The following CELSR3 variants were observed in gnomAD, a reference collection of about 807,000 sequenced individuals.
The protein encoded by CELSR3 is EGF-like protein 1.
In CELSR3, 73 loss-of-function variants were observed where a neutral mutation model predicts 270.0. That is an observed-to-expected ratio of 0.27 (90% confidence interval 0.22 to 0.33). The LOEUF (loss-of-function observed/expected upper bound fraction) is 0.33. Ranked by LOEUF, CELSR3 falls within the 10% of genes least tolerant of loss-of-function variation. CELSR3 has a pLI of 1.00. For missense variants in CELSR3, 3,614 were observed against 4,533.8 expected, an observed-to-expected ratio of 0.80 and a Z score of 5.83; for synonymous variants, 1,780 against 1,905.4, an observed-to-expected ratio of 0.93 and a Z score of 1.71.
chr3:48,656,869 A>G lies in CELSR3; in HGVS notation c.4228T>C (p.Phe1410Leu). 6.2e-7 allele frequency: 1 copy of G among 1,609,820 alleles called. No homozygotes were observed. The highest frequency in any genetic ancestry group is 8.5e-7 in the Non-Finnish European group (1 of 1,178,080). Reference protein sequence around the residue: ...APFLASASTLFRPIQPIAGLR... With the variant: ...APFLASASTLLRPIQPIAGLR... The stretch of plus-strand genomic sequence containing the variant: ...CCAGCGATGGGCTGGATGGGTCGGA[A>G]CAGCGTGGAGGCCGAGGCCAGGAAG... The change falls in exon 2 of 35, where the codon TTC becomes CTC. Residue 1410 changes from phenylalanine (F) to leucine (L), a missense_variant. Around this residue, in one of 7 missense-constraint regions of CELSR3, gnomAD observed 1,331 missense variants for 1,933.7 expected, o/e 0.69. Transcript: ENST00000164024.
At position 48,641,863 on chromosome 3, in the gene CELSR3, T is replaced by C; in HGVS notation, c.8812A>G (p.Thr2938Ala). ...GGGCGCCTGGCACCTTTGGGGTGGG[T>C]GAGGAGCCTCTCACTCTGGGCTGCT... ...CRAAQSERLLTHPKDVDGNDL... is the reference protein window; with the variant it reads ...CRAAQSERLLAHPKDVDGNDL... The change falls in exon 32 of 35, where the codon ACC becomes GCC. Residue 2938 changes from threonine (T) to alanine (A), a missense_variant. Physicochemically the swap from Thr to Ala is moderately conservative, Grantham distance 58. Around this residue, in one of 7 missense-constraint regions of CELSR3, gnomAD observed 1,240 missense variants for 1,351.7 expected, o/e 0.92. Transcript: ENST00000164024. This position sits in a 1 kb window ranked among gnomAD's most constrained non-coding sequence, Gnocchi z 4.8. 2 of 1,479,844 alleles carry C rather than the reference T, an allele frequency of 1.4e-6. No homozygotes were observed. The highest frequency in any genetic ancestry group is 1.8e-6 in the Non-Finnish European group (2 of 1,115,528). The allele number at this position is 1,479,844 out of a possible 1,614,324, so 91.7% of individuals were successfully genotyped here.
At chr3:48,656,498 T>C in intron 2 of CELSR3, 133 bp from the exon 3 acceptor site, 1 of 1,125,244 alleles carries the variant, frequency 8.9e-7, no homozygotes. Flanking sequence ...ACACGCCCCT[T>C]CCGTCTGGCC....
chr3:48,648,621 C>T, intron 18 of CELSR3, 98 bp downstream of exon 18: 7 of 1,457,048 alleles, frequency 4.8e-6, no homozygotes, highest in Non-Finnish European at 6.5e-6. Flanking sequence ...AGGACCTTCA[C>T]TTCCCAAGAG....
At chr3:48,648,059 T>C in intron 19 of CELSR3, 63 bp from the exon 20 acceptor site, 1 of 1,576,100 alleles carries the variant, frequency 6.3e-7, no homozygotes, top group Non-Finnish European at 8.7e-7. Context: ...AGGGTTCTAC[T>C]CCCTCTTACT....
rs1351857362 is a variant in CELSR3, at chr3:48,641,001, C to T, written c.9025+323G>A. On this transcript the variant is annotated intron_variant, in intron 33 of 34. Transcript: ENST00000164024. The surrounding 1 kb of genome is among the most constrained non-coding windows in gnomAD (Gnocchi z 4.8). Reference sequence around the variant, plus strand: ...AGCAGAGTAGGGGGCAGAAATCTTCCAGATCAGAGCACGGGCTCTGGGATC... The same window carrying T: ...AGCAGAGTAGGGGGCAGAAATCTTCTAGATCAGAGCACGGGCTCTGGGATC... 19 of 376,136 alleles carry T rather than the reference C, an allele frequency of 5.1e-5. No homozygotes were observed. Among genetic ancestry groups the T allele is most frequent in the Non-Finnish European group, 8.6e-5 (18 of 209,460 alleles). 23.3% of individuals were successfully genotyped at this position (376,136 alleles called of 1,614,324 possible).
In CELSR3 at chr3:48,638,111, G is replaced by A; in HGVS notation, c.*94C>T. 1 of 1,116,874 alleles carries A rather than the reference G, an allele frequency of 9.0e-7. No homozygotes were observed. The highest frequency in any genetic ancestry group is 1.4e-6 in the Non-Finnish European group (1 of 732,636). The allele number at this position is 1,116,874 out of a possible 1,614,324, so 69.2% of individuals were successfully genotyped here. ...GGCACCCACCACTGGGGAGCAGGAG[G>A]CTGCCTTGGGATCTGCCCCCACTCC... On this transcript the variant is annotated 3_prime_UTR_variant, in exon 35 of 35. Transcript: ENST00000164024.
At chr3:48,656,049 G>C in intron 3 of CELSR3, 91 bp downstream of exon 3, 1 of 1,363,958 alleles carries the variant, frequency 7.3e-7, no homozygotes, top group Non-Finnish European at 1.0e-6. Context: ...GGTGTCTCAT[G>C]GGGATGCCAG....
chr3:48,659,180 C>T lies in CELSR3; in HGVS notation c.3455G>A (p.Arg1152Gln). ...AACCAGGCGGACGTGCACAGTGGCC[C>T]GGCTGACCAAAGGAGCAGATGTGGC... ...VQATSAPLVS[R>Q]ATVHVRLVDQ... The change falls in exon 1 of 35, where the codon CGG becomes CAG. Residue 1152 changes from arginine (R) to glutamine (Q), a missense_variant. Arg to Gln is a conservative substitution (Grantham distance 43, BLOSUM62 1). This residue lies in a region of CELSR3 where 1,331 missense variants were observed against 1,933.7 expected (regional missense o/e 0.69). Coordinates refer to ENST00000164024, the MANE Select transcript of CELSR3 (RefSeq NM_001407.3). This position sits in a 1 kb window ranked among gnomAD's most constrained non-coding sequence, Gnocchi z 8.1. 1.2e-6 allele frequency: 2 copies of T among 1,614,162 alleles called. No homozygotes were observed. The highest frequency in any genetic ancestry group is 2.2e-5 in the East Asian group (1 of 44,892).
In CELSR3 at chr3:48,658,801, C is replaced by T; in HGVS notation, c.3748+86G>A. 3 of 1,509,274 alleles carry T rather than the reference C, an allele frequency of 2.0e-6. No homozygotes were observed. Among genetic ancestry groups the T allele is most frequent in the East Asian group, 2.3e-5 (1 of 44,158 alleles). 93.5% of individuals were successfully genotyped at this position (1,509,274 alleles called of 1,614,324 possible). A position where few individuals can be genotyped will look rare whatever the true frequency, so the allele number is the denominator to read the frequency against. On this transcript the variant is annotated intron_variant, in intron 1 of 34. Coordinates refer to ENST00000164024, the MANE Select transcript of CELSR3 (RefSeq NM_001407.3). The surrounding 1 kb of genome is among the most constrained non-coding windows in gnomAD (Gnocchi z 4.7). Reference sequence around the variant, plus strand: ...GGGGTTCTTGGAAGGCTTAGAAATCCCTCTTTGGTTTGAGGTGCCCTGTGG... The same window carrying T: ...GGGGTTCTTGGAAGGCTTAGAAATCTCTCTTTGGTTTGAGGTGCCCTGTGG...
In CELSR3 at chr3:48,661,430, C is replaced by T. The variant is rs1223230491; in HGVS notation, c.1205G>A (p.Arg402His). 2.5e-6 allele frequency: 4 copies of T among 1,611,704 alleles called. No individual in the cohort carries two copies. Among genetic ancestry groups the T allele is most frequent in the Non-Finnish European group, 1.7e-6 (2 of 1,179,574 alleles). The stretch of plus-strand genomic sequence containing the variant: ...CGACCCGTGGTCCTGCGCGGTCACA[C>T]GCAGGTAGTGACGCTCCATGCTCTC... The part of the protein sequence containing the change: ...DRESMERHYL[R>H]VTAQDHGSPR... Residue 402 changes from arginine (R) to histidine (H), a missense_variant, in exon 1 of 35, where the codon CGT (arginine) becomes CAT (histidine). By Grantham distance (29) the Arg-to-His change is conservative. Around this residue, in one of 7 missense-constraint regions of CELSR3, gnomAD observed 354 missense variants for 500.9 expected, o/e 0.71. Coordinates refer to ENST00000164024, the MANE Select transcript of CELSR3 (RefSeq NM_001407.3).
chr3:48,656,373 C>A lies in CELSR3; in HGVS notation c.4400-8G>T. On this transcript the variant is annotated splice_polypyrimidine_tract_variant and splice_region_variant and intron_variant, in intron 2 of 34. Transcript: ENST00000164024. ...CCAGCTCGCAGTCCTCTCCTGGGGG[C>A]CAAGCCGCGGTCAGAGGCGGTCACG... The A allele has an allele frequency of 7.1e-7, 1 of 1,406,446 alleles. No homozygotes were observed. The highest frequency in any genetic ancestry group is 1.6e-5 in the South Asian group (1 of 62,964). The allele number at this position is 1,406,446 out of a possible 1,614,324, so 87.1% of individuals were successfully genotyped here.
In CELSR3 at chr3:48,639,867, T is replaced by C. The variant is rs748386636; in HGVS notation, c.9718A>G (p.Thr3240Ala). ...GAGGAAAGAATGTCCAACTGTTCTG[T>C]GGAGGGGCCATGGCTGGGGCCACTG... ...SVSGPSHGPS[T>A]EQLDILSSIL... The change falls in exon 34 of 35, where the codon ACA becomes GCA. Residue 3240 changes from threonine to alanine, a missense_variant. By Grantham distance (58) the Thr-to-Ala change is moderately conservative. This residue lies in a region of CELSR3 where 1,240 missense variants were observed against 1,351.7 expected (regional missense o/e 0.92). Transcript: ENST00000164024. This position sits in a 1 kb window ranked among gnomAD's most constrained non-coding sequence, Gnocchi z 4.1. 5 of 1,613,472 alleles carry C rather than the reference T, an allele frequency of 3.1e-6. No homozygotes were observed. The African/African-American group carries it at 5.3e-5, about 17-fold the overall frequency.
In CELSR3 at chr3:48,646,292, G is replaced by T; in HGVS notation, c.7296-35C>A. Reference sequence around the variant, plus strand: ...CACCCATCTGGGCTTACGCACTGCTGACCTCCCCATGCTCAGCCTGCTTGC... The same window carrying T: ...CACCCATCTGGGCTTACGCACTGCTTACCTCCCCATGCTCAGCCTGCTTGC... On this transcript the variant is annotated intron_variant, in intron 21 of 34. Transcript: ENST00000164024. This position sits in a 1 kb window ranked among gnomAD's most constrained non-coding sequence, Gnocchi z 4.8. The T allele has an allele frequency of 6.3e-7, 1 of 1,586,126 alleles. No homozygotes were observed. The highest frequency in any genetic ancestry group is 1.1e-5 in the South Asian group (1 of 88,366).
chr3:48,639,682 T>C lies in CELSR3; in HGVS notation c.9903A>G (p.Pro3301=). Residue 3301 remains proline, a synonymous_variant, in exon 34 of 35, where the codon CCA becomes CCG. Transcript: ENST00000164024. The surrounding 1 kb of genome is among the most constrained non-coding windows in gnomAD (Gnocchi z 4.1). Reference sequence around the variant, plus strand: ...GGCTGGACCATACTTACTCTGAGTCTGGCGACAGCTCCGAGATGCTGTGAG... The same window carrying C: ...GGCTGGACCATACTTACTCTGAGTCCGGCGACAGCTCCGAGATGCTGTGAG... ...ATSHSISELS[P]DSEVPRSEGH... 4 of 1,613,398 alleles carry C rather than the reference T, an allele frequency of 2.5e-6. No individual in the cohort carries two copies. Among genetic ancestry groups the C allele is most frequent in the Non-Finnish European group, 2.5e-6 (3 of 1,179,888 alleles).
At position 48,661,495 on chromosome 3, in the gene CELSR3, C is replaced by A; in HGVS notation, c.1140G>T (p.Pro380=). The A allele has an allele frequency of 6.2e-7, 1 of 1,602,216 alleles. No homozygotes were observed. The highest frequency in any genetic ancestry group is 1.1e-5 in the South Asian group (1 of 90,420). ...SRSLELFSID[P]QSGLIRTAAA... ...CCGCCGTACGGATAAGGCCGCTCTG[C>A]GGGTCGATGCTGAACAGCTCCAGCG... Residue 380 remains proline, a synonymous_variant, in exon 1 of 35, where the codon CCG becomes CCT. Transcript: ENST00000164024.
chr3:48,643,360 G>C (rs2047047870), intron 28 of CELSR3, 194 bp downstream of exon 28: 1 of 766,954 alleles, frequency 1.3e-6, no homozygotes, highest in South Asian at 1.9e-5. Flanking sequence ...TCTGGGATCA[G>C]TGCCTAAGTT....
chr3:48,659,334 G>A lies in CELSR3; in HGVS notation c.3301C>T (p.His1101Tyr), dbSNP rs1394301193. The A allele has an allele frequency of 2.5e-6, 4 of 1,614,054 alleles. No homozygotes were observed. The highest frequency in any genetic ancestry group is 3.4e-6 in the Non-Finnish European group (4 of 1,180,040). Residue 1101 changes from histidine to tyrosine, a missense_variant, in exon 1 of 35, where the codon CAT becomes TAT. Around this residue, in one of 7 missense-constraint regions of CELSR3, gnomAD observed 1,331 missense variants for 1,933.7 expected, o/e 0.69. Coordinates refer to ENST00000164024, the MANE Select transcript of CELSR3 (RefSeq NM_001407.3). The surrounding 1 kb of genome is among the most constrained non-coding windows in gnomAD (Gnocchi z 8.1). ...CCCTCCACGATCTGGTACATTATATGGGCATTGGGGCCTTCGTCAGGGTCC... is the reference window on the plus strand; with the variant it reads ...CCCTCCACGATCTGGTACATTATATAGGCATTGGGGCCTTCGTCAGGGTCC... The part of the protein sequence containing the change: ...AVDPDEGPNA[H>Y]IMYQIVEGNI...
chr3:48,641,127 T>G lies in CELSR3; in HGVS notation c.9025+197A>C, dbSNP rs1575537781. ...GGTCCCCCTGTGGTGCTGGCCAGGG[T>G]AGAGGGGGACAGAGAATTCCCAGGT... is the stretch of plus-strand genomic sequence containing the variant. On this transcript the variant is annotated intron_variant, in intron 33 of 34. Coordinates refer to ENST00000164024, the MANE Select transcript of CELSR3 (RefSeq NM_001407.3). The surrounding 1 kb of genome is among the most constrained non-coding windows in gnomAD (Gnocchi z 4.8). 3.5e-6 allele frequency: 2 copies of G among 575,636 alleles called. No individual in the cohort carries two copies. Among genetic ancestry groups the G allele is most frequent in the Non-Finnish European group, 3.1e-6 (1 of 322,448 alleles). The allele number at this position is 575,636 out of a possible 1,614,324, so 35.7% of individuals were successfully genotyped here. A position where few individuals can be genotyped will look rare whatever the true frequency, so the allele number is the denominator to read the frequency against.
In CELSR3 at chr3:48,643,694, G is replaced by C. The variant is rs1457631976; in HGVS notation, c.8166-17C>G. ...CGAAGGGTCCTGCTGTGGGGACATG[G>C]GAAGACACAGGAGGACATGCAAGGC... is the stretch of plus-strand genomic sequence containing the variant. On this transcript the variant is annotated splice_polypyrimidine_tract_variant and intron_variant, in intron 27 of 34. Coordinates refer to ENST00000164024, the MANE Select transcript of CELSR3 (RefSeq NM_001407.3). 1.9e-6 allele frequency: 3 copies of C among 1,551,548 alleles called. No homozygotes were observed. Among genetic ancestry groups the C allele is most frequent in the Non-Finnish European group, 2.6e-6 (3 of 1,147,374 alleles).
Sources: gnomAD v4.1 joint callset for allele counts on GRCh38, gnomAD v4.1.1 for gene constraint, gnomAD v4.1.1 regional missense constraint, Gnocchi (gnomAD v3.1) non-coding constraint, MANE v1.5 for transcripts, NCBI Gene and HGNC (gene_info 2026-07-23, HGNC 2026-07-21) for gene names.